The following TMED3 variants were observed in gnomAD, a reference collection of about 807,000 sequenced individuals.
The protein encoded by TMED3 is transmembrane emp24 domain-containing protein 3.
In TMED3, 9 loss-of-function variants were observed where a neutral mutation model predicts 15.0. The observed-to-expected ratio is 0.60, with a 90% confidence interval of 0.36 to 1.04. The LOEUF is 1.04. Ranked by LOEUF, TMED3 falls within the 50% of genes least tolerant of loss-of-function variation. The pLI is 0.01. For synonymous variants in TMED3, 117 were observed against 121.4 expected, an observed-to-expected ratio of 0.96 and a Z score of 0.24; for missense variants, 267 against 278.9, an observed-to-expected ratio of 0.96 and a Z score of 0.30.
rs538403969 is a variant in TMED3 at position 79,400,324 on chromosome 15, C to A, written c.418-11076C>A. Among the ~76,000 whole-genome samples, 8 of 152,158 alleles carry A rather than the reference C, an allele frequency of 5.3e-5. No individual in the cohort carries two copies. In the South Asian group the frequency reaches 1.7e-3, roughly 32 times the overall value. ...TAGCACCTGTTTATTTTCTTCCTGG[C>A]TTCTTCGGTGATCTGTAATCACTTA... is the stretch of plus-strand genomic sequence containing the variant. On this transcript the variant is annotated intron_variant, in intron 2 of 2. Coordinates refer to the TMED3 transcript ENST00000424155.
At position 79,317,918 on chromosome 15, in the gene TMED3, G is replaced by A. The variant is rs370870134; in HGVS notation, c.417+3913G>A. Among the ~76,000 whole-genome samples, 12 of 152,316 alleles carry A rather than the reference G, an allele frequency of 7.9e-5. No homozygotes were observed. In the East Asian group the frequency reaches 2.1e-3, roughly 27 times the overall value. On this transcript the variant is annotated intron_variant, in intron 2 of 2. Coordinates refer to ENST00000299705, the MANE Select transcript of TMED3 (RefSeq NM_007364.4). ...TCATAGCTGCCAGAGGCAGATTCTC[G>A]TAAAGTGGGATTCCGATCTTGCCAA... is the stretch of plus-strand genomic sequence containing the variant.
chr15:79,362,093 GAGTCAGTTAATA>G (rs929417953), intron 2 of TMED3, among the ~76,000 whole-genome samples: 39 of 152,188 alleles, frequency 2.6e-4, no homozygotes, highest in African/African-American at 8.9e-4. Flanking sequence ...CAGTTTATCA[GAGTCAGTTAATA>G]CATTTAATAT....
intron 2 of TMED3, among the ~76,000 whole-genome samples, chr15:79,386,649 C>T (rs1490640809): frequency 6.6e-6 from 1 of 151,890 alleles, no homozygotes; most frequent in Non-Finnish European, 1.5e-5. Context: ...AAGCAATTCT[C>T]TGCCTCAGCC....
intron 2 of TMED3, among the ~76,000 whole-genome samples, chr15:79,335,377 C>A (rs1480916258): frequency 6.6e-6 from 1 of 152,180 alleles, no homozygotes; most frequent in Non-Finnish European, 1.5e-5. Flanking sequence ...AGGGAGAAAT[C>A]ATGTGACCCC....
rs1451719240 is a variant in TMED3, at chr15:79,311,357, C to T, written c.108C>T (p.Asn36=). ...AGCTCACCTTCGAGCTGCCGGACAA[C>T]GCCAAGCAGTGCTTCCACGAGGAGG... The part of the protein sequence containing the change: ...GAELTFELPD[N]AKQCFHEEVE... Residue 36 remains asparagine, a synonymous_variant, in exon 1 of 3, where the codon AAC becomes AAT. Transcript: ENST00000299705. 3.7e-6 allele frequency: 6 copies of T among 1,611,970 alleles called. 1 individual carries two copies. Among genetic ancestry groups the T allele is most frequent in the African/African-American group, 2.7e-5 (2 of 74,856 alleles).
intron 2 of TMED3, among the ~76,000 whole-genome samples, chr15:79,410,000 G>A (rs1245034157): frequency 2.0e-5 from 3 of 152,064 alleles, no homozygotes; most frequent in Non-Finnish European, 4.4e-5. Flanking sequence ...GTTTAGATAA[G>A]AGGTATACTA....
At chr15:79,410,795 T>G (rs1196647378) in intron 2 of TMED3, among the ~76,000 whole-genome samples, 1 of 152,138 alleles carries the variant, frequency 6.6e-6, no homozygotes, top group Non-Finnish European at 1.5e-5. Context: ...CAGCAACCTC[T>G]CAGAAGCAAT....
chr15:79,337,925 C>T (rs1245986436), intron 2 of TMED3, among the ~76,000 whole-genome samples: 1 of 152,152 alleles, frequency 6.6e-6, no homozygotes, highest in Non-Finnish European at 1.5e-5. Flanking sequence ...ATAAACAAAA[C>T]GTTGCATGCT....
chr15:79,384,115 G>C lies in TMED3; in HGVS notation c.418-27285G>C, dbSNP rs1448652170. 15 of 152,208 alleles carry C rather than the reference G, an allele frequency of 9.9e-5. 1 individual carries two copies. The highest frequency in any genetic ancestry group is 9.2e-4 in the Admixed American group (14 of 15,280). The allele number at this position is 152,208 out of a possible 1,614,324, so 9.4% of individuals were successfully genotyped here. A position where few individuals can be genotyped will look rare whatever the true frequency, so the allele number is the denominator to read the frequency against. ...CTGAGCTGGCTCAGAGGTTCTAAAAGCTTCTTCTCAAACATTGGCAAGGTC... is the reference window on the plus strand; with the variant it reads ...CTGAGCTGGCTCAGAGGTTCTAAAACCTTCTTCTCAAACATTGGCAAGGTC... On this transcript the variant is annotated intron_variant, in intron 2 of 2. Coordinates refer to the TMED3 transcript ENST00000424155.
chr15:79,344,877 G>GTTTA (rs1311090604), intron 2 of TMED3, among the ~76,000 whole-genome samples: 1 of 152,202 alleles, frequency 6.6e-6, no homozygotes, highest in Non-Finnish European at 1.5e-5. Context: ...TTTTATAGGA[G>GTTTA]TTTAACTTTA....
intron 2 of TMED3, among the ~76,000 whole-genome samples, chr15:79,366,371 C>T (rs1893234801): frequency 6.6e-6 from 1 of 152,224 alleles, no homozygotes; most frequent in Non-Finnish European, 1.5e-5. Context: ...ATCTGCCTTT[C>T]TTTATCCACA....
chr15:79,401,246 T>C (rs566475596), intron 2 of TMED3, among the ~76,000 whole-genome samples: 40 of 152,368 alleles, frequency 2.6e-4, no homozygotes, highest in African/African-American at 8.9e-4. Flanking sequence ...GTGCTAGTAT[T>C]AATGTGTCAT....
intron 2 of TMED3, among the ~76,000 whole-genome samples, chr15:79,372,696 C>T (rs1342027615): frequency 6.6e-6 from 1 of 152,212 alleles, no homozygotes; most frequent in Non-Finnish European, 1.5e-5. Flanking sequence ...TTACCTCCCA[C>T]TGGGTTCCTC....
intron 2 of TMED3, among the ~76,000 whole-genome samples, chr15:79,403,682 G>A (rs1488183767): frequency 3.9e-5 from 6 of 152,150 alleles, no homozygotes; most frequent in Non-Finnish European, 7.3e-5. Context: ...ATGACCAGGT[G>A]GTAGTCATAG....
At chr15:79,338,804 C>T (rs753449329) in intron 2 of TMED3, among the ~76,000 whole-genome samples, 5 of 152,202 alleles carry the variant, frequency 3.3e-5, no homozygotes, top group South Asian at 2.1e-4. Context: ...CTTGGTCTAA[C>T]GGTAATGCCA....
chr15:79,374,758 A>G (rs974294764), intron 2 of TMED3, among the ~76,000 whole-genome samples: 17 of 152,296 alleles, frequency 1.1e-4, no homozygotes, highest in Non-Finnish European at 2.2e-4. Context: ...CTTCTTGTTC[A>G]AGCTAATTTG....
At chr15:79,407,043 G>C (rs1057061000) in intron 2 of TMED3, among the ~76,000 whole-genome samples, 1 of 152,162 alleles carries the variant, frequency 6.6e-6, no homozygotes, top group African/African-American at 2.4e-5. Flanking sequence ...CCTCTTTCAC[G>C]TGTTTCCAGG....
rs143277600 is a variant in TMED3, at chr15:79,396,523, G to A, written c.418-14877G>A. Among the ~76,000 whole-genome samples, 452 of 152,298 alleles carry A rather than the reference G, an allele frequency of 3.0e-3. 2 individuals carry two copies. Among genetic ancestry groups the A allele is most frequent in the South Asian group, 8.5e-3 (41 of 4,826 alleles). ...TCCATGTGGCTTGAGTTTCCTCAACGCATGGTAATCTCAGGGTAGTTGGAC... is the reference window on the plus strand; with the variant it reads ...TCCATGTGGCTTGAGTTTCCTCAACACATGGTAATCTCAGGGTAGTTGGAC... On this transcript the variant is annotated intron_variant, in intron 2 of 2. Transcript: ENST00000424155.
Position 79,364,100 on chromosome 15 carries a change from G to A in TMED3, c.418-47300G>A, listed in dbSNP as rs150148979. On this transcript the variant is annotated intron_variant, in intron 2 of 2. Transcript: ENST00000424155. ...TGGAGTAGTATTTTTTAAGCAAAAG[G>A]AAAGCTCTCAGCAAAGAGAGGGGTC... Among the ~76,000 whole-genome samples, 454 of 152,270 alleles carry A rather than the reference G, an allele frequency of 3.0e-3. 1 individual carries two copies. The highest frequency in any genetic ancestry group is 0.01 in the African/African-American group (428 of 41,550).
Sources: allele counts gnomAD v4.1 joint callset (sites outside exome capture counted in the v4.1 genomes callset), GRCh38; gene constraint gnomAD v4.1.1; transcripts MANE v1.5; gene names NCBI Gene and HGNC (gene_info 2026-07-23, HGNC 2026-07-21).